The following MTURN variants were observed in gnomAD, a reference collection of about 807,000 sequenced individuals.
MTURN encodes the protein maturin, neural progenitor differentiation regulator homolog.
A neutral mutation model predicts 14.9 loss-of-function variants in MTURN; 7 were observed. That is an observed-to-expected ratio of 0.47 (90% CI 0.27 to 0.88). MTURN has a LOEUF of 0.88. MTURN is among the 40% of genes least tolerant of loss of function. The pLI is 0.14. For synonymous variants in MTURN, 69 were observed against 72.5 expected (o/e 0.95, Z 0.25); for missense variants, 151 against 174.1 (o/e 0.87, Z 0.75).
chr7:30,145,642 G>A (rs79489077), intron 1 of MTURN, among the ~76,000 whole-genome samples: 157 of 152,350 alleles, frequency 1.0e-3, no homozygotes, highest in African/African-American at 3.7e-3. Context: ...CAGTGACATA[G>A]TGGTGACTTG....
chr7:30,152,246 C>G (rs1383384832), intron 2 of MTURN, among the ~76,000 whole-genome samples: 1 of 151,792 alleles, frequency 6.6e-6, no homozygotes, highest in African/African-American at 2.4e-5. Context: ...GTGCCTCCTC[C>G]TGCCCATTGT....
chr7:30,151,388 C>T (rs1401520720), intron 2 of MTURN, among the ~76,000 whole-genome samples: 1 of 152,180 alleles, frequency 6.6e-6, no homozygotes, highest in Non-Finnish European at 1.5e-5. Flanking sequence ...GCTGGTCATA[C>T]ACGATTGAGC....
intron 1 of MTURN, 34 bp downstream of exon 1, chr7:30,135,332 C>G: frequency 6.8e-7 from 1 of 1,481,382 alleles, no homozygotes; most frequent in Non-Finnish European, 9.0e-7. Context: ...CCGGAGCCGG[C>G]GGGAGTGTGG....
rs2128035273 is a variant in MTURN, at chr7:30,160,637, C to T, written c.*3089C>T. On this transcript the variant is annotated 3_prime_UTR_variant, in exon 3 of 3. Transcript: ENST00000324453. ...AAGGAATGCTTGATTGCTTGTTGTT[C>T]ACTGGGCCAGCTCTGAAATCCAAAA... is the stretch of plus-strand genomic sequence containing the variant. 6.6e-6 allele frequency: 1 copy of T among 152,382 alleles called. No individual in the cohort carries two copies. Among genetic ancestry groups the T allele is most frequent in the Admixed American group, 6.5e-5 (1 of 15,292 alleles). The allele number at this position is 152,382 out of a possible 1,614,324, so 9.4% of individuals were successfully genotyped here.
chr7:30,150,691 G>A (rs962737582), intron 2 of MTURN, among the ~76,000 whole-genome samples: 3 of 152,216 alleles, frequency 2.0e-5, no homozygotes, highest in Non-Finnish European at 2.9e-5. Context: ...GGCTTCATGA[G>A]GAGGTGGGAC....
intron 2 of MTURN, among the ~76,000 whole-genome samples, chr7:30,146,948 T>C (rs1210412978): frequency 6.6e-6 from 1 of 152,230 alleles, no homozygotes; most frequent in Non-Finnish European, 1.5e-5. Context: ...CATTGGAAGA[T>C]AAAGTCCCAT....
chr7:30,152,415 C>T (rs748272885), intron 2 of MTURN, among the ~76,000 whole-genome samples: 23 of 152,208 alleles, frequency 1.5e-4, no homozygotes, highest in Non-Finnish European at 2.5e-4. Context: ...ACCCCTGGCT[C>T]TTGGACTAAC....
chr7:30,148,925 C>T (rs891469368), intron 2 of MTURN, among the ~76,000 whole-genome samples: 1 of 152,060 alleles, frequency 6.6e-6, no homozygotes. Context: ...GAAGAATACC[C>T]GTTAGCAACT....
Position 30,159,027 on chromosome 7 carries a change from A to G in MTURN, c.*1479A>G, listed in dbSNP as rs1477456109. The G allele has an allele frequency of 6.6e-6, 1 of 152,132 alleles. No individual in the cohort carries two copies. Among genetic ancestry groups the G allele is most frequent in the African/African-American group, 2.4e-5 (1 of 41,426 alleles). The allele number at this position is 152,132 out of a possible 1,614,324, so 9.4% of individuals were successfully genotyped here. On this transcript the variant is annotated 3_prime_UTR_variant, in exon 3 of 3. Coordinates refer to ENST00000324453, the MANE Select transcript of MTURN (RefSeq NM_152793.3). ...CTGATTGTCTCGACATTTTCTGTTT[A>G]ATTGATTGGTGCTGTGAGGAGTTCG... is the stretch of plus-strand genomic sequence containing the variant.
intron 1 of MTURN, 92 bp from the exon 2 acceptor site, chr7:30,146,085 T>C: frequency 1.2e-6 from 2 of 1,600,254 alleles, no homozygotes; most frequent in Non-Finnish European, 1.7e-6. Flanking sequence ...ATTGATGTTA[T>C]TAAGAAAATC....
chr7:30,143,167 C>G (rs1797076715), intron 1 of MTURN, among the ~76,000 whole-genome samples: 1 of 152,118 alleles, frequency 6.6e-6, no homozygotes, highest in Non-Finnish European at 1.5e-5. Flanking sequence ...GTTAATTTTC[C>G]TGAAGAGCAC....
chr7:30,136,090 T>C (rs1312145581), intron 1 of MTURN, among the ~76,000 whole-genome samples: 1 of 151,174 alleles, frequency 6.6e-6, no homozygotes, highest in Non-Finnish European at 1.5e-5. Flanking sequence ...GCCCGAGAGG[T>C]GTGTGTGGCC....
At chr7:30,145,755 A>C (rs1797119591) in intron 1 of MTURN, 2 of 1,358,448 alleles carry the variant, frequency 1.5e-6, no homozygotes, top group African/African-American at 2.9e-5. Context: ...TAATGCTTAC[A>C]AACTATGCTT....
chr7:30,142,682 G>GC (rs1170344971), intron 1 of MTURN, among the ~76,000 whole-genome samples: 2 of 152,034 alleles, frequency 1.3e-5, no homozygotes, highest in African/African-American at 2.4e-5. Flanking sequence ...TTTAAACTCT[G>GC]CCCCCCCAGC....
At position 30,145,976 on chromosome 7, in the gene MTURN, CG is replaced by C. The variant is rs995403098; in HGVS notation, c.163-196del. ...GCAGGTGAGGTATGGACCAAAAGCTCGGGGGCTTCTATAGATTAGACATTTT... is the reference window on the plus strand; with the variant it reads ...GCAGGTGAGGTATGGACCAAAAGCTCGGGGCTTCTATAGATTAGACATTTT... On this transcript the variant is annotated intron_variant, in intron 1 of 2. Transcript: ENST00000324453. The C allele has an allele frequency of 3.3e-5, 51 of 1,551,100 alleles. No homozygotes were observed. In the African/African-American group the frequency reaches 5.3e-4, roughly 16 times the overall value.
chr7:30,144,716 A>T (rs1008338863), intron 1 of MTURN, among the ~76,000 whole-genome samples: 2 of 152,066 alleles, frequency 1.3e-5, no homozygotes, highest in South Asian at 4.1e-4. Context: ...TCTCATTTGG[A>T]TCTGAGCAGT....
chr7:30,137,832 T>C (rs547234044), intron 1 of MTURN: 17 of 357,402 alleles, frequency 4.8e-5, no homozygotes, highest in South Asian at 3.2e-4. Context: ...GCAATAAGAA[T>C]GTCTACATGA....
intron 1 of MTURN, 21 bp downstream of exon 1, chr7:30,135,319 C>T (rs1796928623): frequency 6.7e-7 from 1 of 1,501,978 alleles, no homozygotes; most frequent in Non-Finnish European, 8.9e-7. Flanking sequence ...GGAGGAGGGA[C>T]CGCCGGAGCC....
intron 1 of MTURN, among the ~76,000 whole-genome samples, chr7:30,139,009 C>G (rs945051905): frequency 3.3e-5 from 5 of 152,192 alleles, no homozygotes; most frequent in Non-Finnish European, 7.4e-5. Context: ...CCATAGCACT[C>G]GTTAGACTTG....
Sources: gnomAD v4.1 joint callset for allele counts (sites outside exome capture counted in the v4.1 genomes callset) on GRCh38, gnomAD v4.1.1 for gene constraint, MANE v1.5 for transcripts, NCBI Gene and HGNC (gene_info 2026-07-23, HGNC 2026-07-21) for gene names.